WWOX: variants seen among roughly 807,000 people sequenced by gnomAD.
The protein encoded by WWOX is WW domain containing oxidoreductase.
Under a neutral mutation model 46.2 loss-of-function variants are expected in WWOX, and 69 were observed. That is an observed-to-expected ratio of 1.49 (90% CI 1.23 to 1.82). The LOEUF (loss-of-function observed/expected upper bound fraction) is 1.82, where lower values mean the gene tolerates loss of function less well. WWOX is among the 40% of genes most tolerant of loss of function. The pLI, the probability that WWOX is intolerant of heterozygous loss-of-function variation, is 0.00. For synonymous variants in WWOX, 359 were observed against 202.6 expected, an observed-to-expected ratio of 1.77 and a Z score of -6.56; for missense variants, 919 against 542.6, an observed-to-expected ratio of 1.69 and a Z score of -6.89.
At chr16:78,358,809 TC>T (rs201912795) in intron 5 of WWOX, among the ~76,000 whole-genome samples, 2 of 149,982 alleles carry the variant, frequency 1.3e-5, no homozygotes, top group African/African-American at 2.4e-5. Context: ...TTTGTGTAGC[TC>T]TTTCTGACTT....
At chr16:78,661,416 CTT>C (rs2142172573) in intron 8 of WWOX, among the ~76,000 whole-genome samples, 2 of 152,236 alleles carry the variant, frequency 1.3e-5, no homozygotes, top group Non-Finnish European at 2.9e-5. Context: ...TTTTTTTCCC[CTT>C]TCAATACATC....
chr16:78,349,719 T>C (rs71396173), intron 5 of WWOX, among the ~76,000 whole-genome samples: 5,001 of 121,296 alleles, frequency 0.041, 1,426 homozygotes, highest in Non-Finnish European at 0.053. Context: ...TTTCAGTGAT[T>C]GAAATTATGC....
intron 8 of WWOX, among the ~76,000 whole-genome samples, chr16:79,126,427 T>C (rs374780621): frequency 6.6e-6 from 1 of 152,194 alleles, no homozygotes; most frequent in Admixed American, 6.5e-5. Flanking sequence ...TTCCCCATGC[T>C]GTTCTCATGC....
At chr16:78,566,858 G>T (rs16948100) in intron 8 of WWOX, among the ~76,000 whole-genome samples, 11,854 of 152,196 alleles carry the variant, frequency 0.078, 469 homozygotes, top group South Asian at 0.12. Context: ...GCTGTCATCA[G>T]TTCAGAGTTG....
At position 78,804,675 on chromosome 16, in the gene WWOX, C is replaced by A. The variant is rs893060597; in HGVS notation, c.1056+371923C>A. On this transcript the variant is annotated intron_variant, in intron 8 of 8. Coordinates refer to ENST00000566780, the MANE Select transcript of WWOX (RefSeq NM_016373.4). The stretch of plus-strand genomic sequence containing the variant: ...AATTGCTTCATAAATTTAACTATCA[C>A]TTTCAAATTTCTGTTTTTTTTCTAA... Among the ~76,000 whole-genome samples the A allele has an allele frequency of 2.0e-5, 3 of 152,154 alleles. No homozygotes were observed. In the East Asian group the frequency reaches 5.8e-4, roughly 29 times the overall value.
At chr16:78,771,427 G>C (rs547405729) in intron 8 of WWOX, among the ~76,000 whole-genome samples, 1 of 152,292 alleles carries the variant, frequency 6.6e-6, no homozygotes, top group Non-Finnish European at 1.5e-5. Context: ...AGAAGTGATG[G>C]TTGTTCAACA....
intron 8 of WWOX, among the ~76,000 whole-genome samples, chr16:78,665,106 G>C (rs976625473): frequency 2.0e-5 from 3 of 152,168 alleles, no homozygotes; most frequent in African/African-American, 7.2e-5. Context: ...ATGCGATGGG[G>C]ACAAAAGATA....
At chr16:79,119,760 C>A (rs1174120334) in intron 8 of WWOX, among the ~76,000 whole-genome samples, 1 of 152,186 alleles carries the variant, frequency 6.6e-6, no homozygotes, top group Non-Finnish European at 1.5e-5. Context: ...TGGCTGGCTT[C>A]TCCACGATGC....
intron 6 of WWOX, among the ~76,000 whole-genome samples, chr16:78,422,808 C>G (rs1480647025): frequency 8.5e-6 from 1 of 117,052 alleles, no homozygotes; most frequent in African/African-American, 5.3e-5. Flanking sequence ...TATATACACA[C>G]ACATATATAT....
intron 8 of WWOX, among the ~76,000 whole-genome samples, chr16:78,861,302 A>G (rs1459628939): frequency 6.6e-6 from 1 of 152,226 alleles, no homozygotes; most frequent in African/African-American, 2.4e-5. Context: ...CCATGCATCC[A>G]TCCATCCACC....
chr16:79,075,743 G>T (rs891720856), intron 8 of WWOX, among the ~76,000 whole-genome samples: 1 of 152,008 alleles, frequency 6.6e-6, no homozygotes, highest in Non-Finnish European at 1.5e-5. Flanking sequence ...AGTAGAGATG[G>T]GGTCTCATCT....
At chr16:78,428,289 C>G (rs2083134249) in intron 7 of WWOX, among the ~76,000 whole-genome samples, 1 of 152,238 alleles carries the variant, frequency 6.6e-6, no homozygotes, top group Non-Finnish European at 1.5e-5. Flanking sequence ...AGTTGTTTTA[C>G]TACCTCTGGA....
chr16:79,033,083 C>T (rs2047796793), intron 8 of WWOX, among the ~76,000 whole-genome samples: 1 of 150,214 alleles, frequency 6.7e-6, no homozygotes, highest in Non-Finnish European at 1.5e-5. Flanking sequence ...ATCCATGTTC[C>T]TGCAAAGGAC....
At chr16:78,208,753 A>AT (rs2036471206) in intron 5 of WWOX, among the ~76,000 whole-genome samples, 1 of 152,218 alleles carries the variant, frequency 6.6e-6, no homozygotes, top group Non-Finnish European at 1.5e-5. Flanking sequence ...GTTGTAAATG[A>AT]TATCTTTGTA....
rs574737625 is a variant in WWOX, at chr16:78,577,976, C to A, written c.1056+145224C>A. Among the ~76,000 whole-genome samples, 8 of 152,064 alleles carry A rather than the reference C, an allele frequency of 5.3e-5. No homozygotes were observed. The East Asian group carries it at 7.7e-4, about 15-fold the overall frequency. On this transcript the variant is annotated intron_variant, in intron 8 of 8. Transcript: ENST00000566780. Reference sequence around the variant, plus strand: ...TAACCAAGACTCACTAATATTTTCACAAGAACATTTGTCACCTAGGTCCAG... The same window carrying A: ...TAACCAAGACTCACTAATATTTTCAAAAGAACATTTGTCACCTAGGTCCAG...
chr16:78,575,066 T>A lies in WWOX; in HGVS notation c.1056+142314T>A, dbSNP rs955024289. On this transcript the variant is annotated intron_variant, in intron 8 of 8. Transcript: ENST00000566780. ...ATATATATATATATATATATATATA[T>A]ATATATATATATATATATATATATA... is the stretch of plus-strand genomic sequence containing the variant. 3.0e-3 allele frequency among the ~76,000 whole-genome samples: 73 copies of A among 24,172 alleles called. 4 individuals carry two copies. The highest frequency in any genetic ancestry group is 0.021 in the East Asian group (9 of 436). The allele number at this position is 24,172 out of a possible 152,430, so 15.9% of individuals were successfully genotyped here. A position where few individuals can be genotyped will look rare whatever the true frequency, so the allele number is the denominator to read the frequency against.
At chr16:78,769,541 A>C (rs936486783) in intron 8 of WWOX, among the ~76,000 whole-genome samples, 2,118 of 8,550 alleles carry the variant, frequency 0.25, 70 homozygotes, top group Middle Eastern at 0.5. Flanking sequence ...TTATTTATTT[A>C]TTTATTTATT....
chr16:78,144,444 TATACAC>T (rs1267815328), intron 4 of WWOX, among the ~76,000 whole-genome samples: 8 of 15,746 alleles, frequency 5.1e-4, no homozygotes, highest in South Asian at 2.1e-3. Flanking sequence ...TATATATATA[TATACAC>T]ATATATATAT....
chr16:79,020,208 A>T (rs531391698), intron 8 of WWOX, among the ~76,000 whole-genome samples: 2 of 152,216 alleles, frequency 1.3e-5, no homozygotes, highest in Non-Finnish European at 1.5e-5. Flanking sequence ...TAATAAAGCA[A>T]CTTAACCCAT....
Sources: allele counts gnomAD v4.1 joint callset (sites outside exome capture counted in the v4.1 genomes callset), GRCh38; gene constraint gnomAD v4.1.1; transcripts MANE v1.5; gene names NCBI Gene and HGNC (gene_info 2026-07-23, HGNC 2026-07-21).